The following ZNF644 variants were observed in gnomAD, a reference collection of about 807,000 sequenced individuals.
The protein encoded by ZNF644 is zinc finger protein 644, also known as zinc finger motif enhancer binding protein 2.
ZNF644 carries 20 observed loss-of-function variants against 108.0 expected under a neutral mutation model. That is an observed-to-expected ratio of 0.19 (90% CI 0.13 to 0.27). The LOEUF is 0.27. Ranked by LOEUF, ZNF644 falls within the 10% of genes least tolerant of loss-of-function variation. The probability of loss-of-function intolerance (pLI) is 1.00; values close to 1 mark genes in which losing one functional copy is unlikely to be tolerated. For synonymous variants in ZNF644, 542 were observed against 539.1 expected (o/e 1.01, Z -0.08); for missense variants, 1,338 against 1,548.9 (o/e 0.86, Z 2.29).
rs1451745955 is a variant in ZNF644, at chr1:90,938,748, T to C, written c.2606A>G (p.Tyr869Cys). The change falls in exon 3 of 6, where the codon TAC (tyrosine) becomes TGC (cysteine). Residue 869 changes from tyrosine (Y) to cysteine (C), a missense_variant. Physicochemically the swap from Tyr to Cys is radical, Grantham distance 194. This residue lies in a region of ZNF644 where 462 missense variants were observed against 472.6 expected (regional missense o/e 0.98). Coordinates refer to ENST00000337393, the MANE Select transcript of ZNF644 (RefSeq NM_201269.3). The surrounding 1 kb of genome is among the most constrained non-coding windows in gnomAD (Gnocchi z 4.2). ...SSWDNVELGD[Y>C]TTQAIEDETY... ...TTCATCTTCTATGGCCTGTGTAGTG[T>C]AGTCTCCTAACTCAACATTATCCCA... The C allele has an allele frequency of 6.2e-7, 1 of 1,613,840 alleles. No individual in the cohort carries two copies. The highest frequency in any genetic ancestry group is 2.2e-5 in the East Asian group (1 of 44,880).
chr1:90,918,420 C>T (rs1031578763), intron 4 of ZNF644: 11 of 366,966 alleles, frequency 3.0e-5, no homozygotes, highest in Non-Finnish European at 5.0e-5. Context: ...TTTACCACAC[C>T]AAACTAGAAC....
At chr1:90,936,122 A>G (rs1334938272) in intron 4 of ZNF644, among the ~76,000 whole-genome samples, 3 of 152,210 alleles carry the variant, frequency 2.0e-5, no homozygotes, top group Non-Finnish European at 2.9e-5. Context: ...TTAATGATTT[A>G]AAGTTTTTTG....
At chr1:90,943,550 A>T (rs1652223910) in intron 2 of ZNF644, among the ~76,000 whole-genome samples, 1 of 152,196 alleles carries the variant, frequency 6.6e-6, no homozygotes. Context: ...AATGTTATTT[A>T]ATACAACAAA....
intron 4 of ZNF644, among the ~76,000 whole-genome samples, chr1:90,932,013 T>C (rs1398046773): frequency 1.3e-5 from 2 of 152,138 alleles, no homozygotes; most frequent in African/African-American, 2.4e-5. Flanking sequence ...GGCCCACAGC[T>C]TTCATGAAAT....
chr1:90,940,936 T>C lies in ZNF644; in HGVS notation c.418A>G (p.Thr140Ala), dbSNP rs1376241790. The change falls in exon 3 of 6, where the codon ACT becomes GCT. Residue 140 changes from threonine to alanine, a missense_variant. By Grantham distance (58) the Thr-to-Ala change is moderately conservative. Around this residue, in one of 6 missense-constraint regions of ZNF644, gnomAD observed 464 missense variants for 457.9 expected, o/e 1.01. Transcript: ENST00000337393. Reference protein sequence around the residue: ...NMNKGSVSLTTGQPVDQPTTE... With the variant: ...NMNKGSVSLTAGQPVDQPTTE... ...GTTGGCTGATCCACAGGCTGTCCAG[T>C]GGTTAATGAAACACTGCCTTTATTC... 1.2e-6 allele frequency: 2 copies of C among 1,613,988 alleles called. No homozygotes were observed. Among genetic ancestry groups the C allele is most frequent in the Non-Finnish European group, 1.7e-6 (2 of 1,180,002 alleles).
intron 1 of ZNF644, among the ~76,000 whole-genome samples, chr1:91,005,285 CT>C (rs1659307729): frequency 6.6e-6 from 1 of 152,094 alleles, no homozygotes; most frequent in Admixed American, 6.5e-5. Flanking sequence ...TTACATGCCA[CT>C]TATAAACATG....
chr1:90,919,904 C>T (rs1649231842), intron 4 of ZNF644, among the ~76,000 whole-genome samples: 1 of 152,028 alleles, frequency 6.6e-6, no homozygotes, highest in Non-Finnish European at 1.5e-5. Flanking sequence ...AAATATGTTG[C>T]TGCAGTCACA....
In ZNF644 at chr1:90,940,183, A is replaced by G; in HGVS notation, c.1171T>C (p.Cys391Arg). Reference protein sequence around the residue: ...TFLSNTLKKKCEESDSESPAT... With the variant: ...TFLSNTLKKKREESDSESPAT... ...GGTGACTCAGAATCACTCTCTTCAC[A>G]TTTCTTTTTTAAGGTATTTGAAAGA... The change falls in exon 3 of 6, where the codon TGT (cysteine) becomes CGT (arginine). Residue 391 changes from cysteine (C) to arginine (R), a missense_variant. Around this residue, in one of 6 missense-constraint regions of ZNF644, gnomAD observed 464 missense variants for 457.9 expected, o/e 1.01. Transcript: ENST00000337393. 2 of 1,613,942 alleles carry G rather than the reference A, an allele frequency of 1.2e-6. No homozygotes were observed. Among genetic ancestry groups the G allele is most frequent in the Non-Finnish European group, 1.7e-6 (2 of 1,179,930 alleles).
At chr1:90,980,951 T>C (rs1656488483) in intron 2 of ZNF644, among the ~76,000 whole-genome samples, 1 of 152,118 alleles carries the variant, frequency 6.6e-6, no homozygotes, top group South Asian at 2.1e-4. Flanking sequence ...TGTTACCATA[T>C]ATATGTAAAC....
chr1:90,974,591 A>T (rs1655809636), intron 2 of ZNF644, among the ~76,000 whole-genome samples: 1 of 151,848 alleles, frequency 6.6e-6, no homozygotes, highest in African/African-American at 2.4e-5. Flanking sequence ...TCCTACTCCC[A>T]CCTCCATTAC....
At chr1:90,978,477 GTCT>G (rs1374779578) in intron 2 of ZNF644, among the ~76,000 whole-genome samples, 2 of 151,942 alleles carry the variant, frequency 1.3e-5, no homozygotes, top group Non-Finnish European at 2.9e-5. Flanking sequence ...TAATTAAAAA[GTCT>G]TCTTTTTCAT....
At position 90,943,469 on chromosome 1, in the gene ZNF644, AT is replaced by A. The variant is rs1652213782; in HGVS notation, c.45-2161del. On this transcript the variant is annotated intron_variant, in intron 2 of 5. Coordinates refer to ENST00000337393, the MANE Select transcript of ZNF644 (RefSeq NM_201269.3). ...AAATAAAAAACAATAAAATAATAAA[AT>A]TGTTCTTATATTTTTCTTATTTTAT... Among the ~76,000 whole-genome samples the A allele has an allele frequency of 3.9e-5, 6 of 152,214 alleles. No homozygotes were observed. In the South Asian group the frequency reaches 8.3e-4, roughly 21 times the overall value.
At chr1:90,968,518 G>A (rs1655153660) in intron 2 of ZNF644, among the ~76,000 whole-genome samples, 1 of 152,054 alleles carries the variant, frequency 6.6e-6, no homozygotes, top group African/African-American at 2.4e-5. Flanking sequence ...TCTGAATTGA[G>A]AAAATAAGGA....
At chr1:90,980,875 CTAGATGGTGGTTA>C (rs1656478062) in intron 2 of ZNF644, among the ~76,000 whole-genome samples, 1 of 152,080 alleles carries the variant, frequency 6.6e-6, no homozygotes, top group Non-Finnish European at 1.5e-5. Context: ...ATATCTTGAT[CTAGATGGTGGTTA>C]CACATATGAA....
chr1:91,008,025 G>A (rs954207443), intron 1 of ZNF644, among the ~76,000 whole-genome samples: 2 of 152,150 alleles, frequency 1.3e-5, no homozygotes, highest in African/African-American at 4.8e-5. Flanking sequence ...GCTGTCACAG[G>A]ATGAATCTTT....
At chr1:90,946,698 G>A (rs2101010507) in intron 2 of ZNF644, among the ~76,000 whole-genome samples, 1 of 151,998 alleles carries the variant, frequency 6.6e-6, no homozygotes, top group Middle Eastern at 3.4e-3. Context: ...ACTGTATCAT[G>A]AAAACTCAAT....
intron 1 of ZNF644, among the ~76,000 whole-genome samples, chr1:90,989,487 G>A (rs1246867464): frequency 6.6e-6 from 1 of 152,158 alleles, no homozygotes; most frequent in Non-Finnish European, 1.5e-5. Flanking sequence ...AAGCTGGAGT[G>A]AGCCATAATT....
chr1:90,951,167 C>T (rs536865760), intron 2 of ZNF644, among the ~76,000 whole-genome samples: 23 of 152,328 alleles, frequency 1.5e-4, no homozygotes, highest in African/African-American at 5.5e-4. Context: ...CATCAGCTGA[C>T]TAATCTGGTA....
At chr1:90,946,897 C>G (rs916902601) in intron 2 of ZNF644, among the ~76,000 whole-genome samples, 1 of 152,070 alleles carries the variant, frequency 6.6e-6, no homozygotes, top group Middle Eastern at 3.2e-3. Context: ...GTTACAAAGT[C>G]AGGTACCAGA....
Sources: allele counts gnomAD v4.1 joint callset (sites outside exome capture counted in the v4.1 genomes callset), GRCh38; gene constraint gnomAD v4.1.1; regional missense constraint gnomAD v4.1.1; non-coding constraint Gnocchi (gnomAD v3.1); transcripts MANE v1.5; gene names NCBI Gene and HGNC (gene_info 2026-07-23, HGNC 2026-07-21).